Variants in GLIS1 observed in about 807,000 individuals in gnomAD.
The protein encoded by GLIS1 is zinc finger protein GLIS1.
In GLIS1, 24 loss-of-function variants were observed where a neutral mutation model predicts 63.8. The observed-to-expected ratio is 0.38, with a 90% confidence interval of 0.27 to 0.53. The LOEUF (loss-of-function observed/expected upper bound fraction) is 0.53. Ranked by LOEUF, GLIS1 falls within the 20% of genes least tolerant of loss-of-function variation. GLIS1 has a pLI of 0.85. For synonymous variants in GLIS1, 450 were observed against 482.5 expected (o/e 0.93, Z 0.88); for missense variants, 1,036 against 1,074.1 (o/e 0.96, Z 0.50).
At chr1:53,725,766 T>G (rs1200267258) in intron 2 of GLIS1, among the ~76,000 whole-genome samples, 5 of 152,208 alleles carry the variant, frequency 3.3e-5, no homozygotes, top group African/African-American at 1.2e-4. Flanking sequence ...TAATTCTACA[T>G]ACTTCATCCC....
chr1:53,609,850 A>C (rs922655397), intron 2 of GLIS1, among the ~76,000 whole-genome samples: 2 of 152,224 alleles, frequency 1.3e-5, no homozygotes, highest in Non-Finnish European at 2.9e-5. Flanking sequence ...GATCACACCT[A>C]GGCTATCTGG....
chr1:53,599,234 G>C (rs1645290690), intron 3 of GLIS1, among the ~76,000 whole-genome samples: 1 of 152,356 alleles, frequency 6.6e-6, no homozygotes, highest in Admixed American at 6.5e-5. Context: ...AAATGTGGCA[G>C]TGTTGAGAGG....
chr1:53,639,916 T>C lies in GLIS1; in HGVS notation c.260-39638A>G, dbSNP rs1273596990. Among the ~76,000 whole-genome samples, 1 of 152,192 alleles carries C rather than the reference T, an allele frequency of 6.6e-6. No homozygotes were observed. The highest frequency in any genetic ancestry group is 2.4e-5 in the African/African-American group (1 of 41,438). ...TAGTCCTGGGTTCAAATCCCAAGTC[T>C]GATACGTCACTGAGCCTCAGTTTAT... is the stretch of plus-strand genomic sequence containing the variant. On this transcript the variant is annotated intron_variant, in intron 2 of 10. Coordinates refer to ENST00000628545, the MANE Select transcript of GLIS1 (RefSeq NM_001367484.1). This position sits in a 1 kb window ranked among gnomAD's most constrained non-coding sequence, Gnocchi z 4.6.
intron 2 of GLIS1, among the ~76,000 whole-genome samples, chr1:53,719,556 C>G (rs1377588550): frequency 6.6e-6 from 1 of 152,182 alleles, no homozygotes; most frequent in Non-Finnish European, 1.5e-5. Flanking sequence ...TAGGACTCAG[C>G]CAGACCCACA....
intron 2 of GLIS1, among the ~76,000 whole-genome samples, chr1:53,681,204 G>A (rs537481912): frequency 6.6e-5 from 10 of 152,388 alleles, no homozygotes; most frequent in East Asian, 5.8e-4. Context: ...TCGTGGCTGC[G>A]TGAAGACGCA....
In GLIS1 at chr1:53,719,845, GT is replaced by G. The variant is rs1238833826; in HGVS notation, c.259+17960del. Reference sequence around the variant, plus strand: ...CCTATGATCCAGCAATCCCACTGCTGTGCATACATCTAAAAGAAAGGAAATC... The same window carrying G: ...CCTATGATCCAGCAATCCCACTGCTGGCATACATCTAAAAGAAAGGAAATC... On this transcript the variant is annotated intron_variant, in intron 2 of 10. Coordinates refer to ENST00000628545, the MANE Select transcript of GLIS1 (RefSeq NM_001367484.1). 3.9e-5 allele frequency among the ~76,000 whole-genome samples: 6 copies of G among 152,292 alleles called. No individual in the cohort carries two copies. In the East Asian group the frequency reaches 1.2e-3, roughly 29 times the overall value.
At chr1:53,704,534 C>A (rs1319080875) in intron 2 of GLIS1, among the ~76,000 whole-genome samples, 1 of 151,532 alleles carries the variant, frequency 6.6e-6, no homozygotes, top group Admixed American at 6.6e-5. Flanking sequence ...AGCAGATGAA[C>A]AGTGGTGAGG....
At chr1:53,568,054 C>G in intron 4 of GLIS1, among the ~76,000 whole-genome samples, 1 of 152,218 alleles carries the variant, frequency 6.6e-6, no homozygotes, top group East Asian at 1.9e-4. Context: ...ACAGCTTGCA[C>G]CATGTGCCTG....
chr1:53,610,851 G>A (rs998024139), intron 2 of GLIS1, among the ~76,000 whole-genome samples: 1 of 151,952 alleles, frequency 6.6e-6, no homozygotes, highest in African/African-American at 2.4e-5. Flanking sequence ...TGCTATTTTT[G>A]AATTTTCCAT....
chr1:53,546,605 G>A (rs932387548), intron 4 of GLIS1, among the ~76,000 whole-genome samples: 10 of 151,976 alleles, frequency 6.6e-5, no homozygotes, highest in African/African-American at 2.2e-4. Flanking sequence ...GGCAGGGCTC[G>A]TCAATCTGGC....
rs1363430942 is a variant in GLIS1 at position 53,520,764 on chromosome 1, C to T, written c.1596G>A (p.Leu532=). 1.1e-5 allele frequency: 18 copies of T among 1,602,954 alleles called. No individual in the cohort carries two copies. Among genetic ancestry groups the T allele is most frequent in the Non-Finnish European group, 1.4e-5 (16 of 1,174,432 alleles). ...CGGCCTCGGTGTCAGGGCCCGCATG[C>T]AGCTGGGGAGCAAGCAGAGGGAAAG... is the stretch of plus-strand genomic sequence containing the variant. ...SAKEQQVRKK[L]HAGPDTEADV... The change falls in exon 7 of 11, where the codon CTG becomes CTA. Residue 532 remains leucine (L), a splice_region_variant and synonymous_variant. Coordinates refer to ENST00000628545, the MANE Select transcript of GLIS1 (RefSeq NM_001367484.1).
At chr1:53,550,111 C>T (rs1295604987) in intron 4 of GLIS1, among the ~76,000 whole-genome samples, 1 of 152,212 alleles carries the variant, frequency 6.6e-6, no homozygotes, top group Non-Finnish European at 1.5e-5. Flanking sequence ...TTTGCCAGCC[C>T]TGTATTCAAT....
intron 4 of GLIS1, among the ~76,000 whole-genome samples, chr1:53,548,654 A>G (rs1644729100): frequency 6.6e-6 from 1 of 152,208 alleles, no homozygotes; most frequent in African/African-American, 2.4e-5. Context: ...TGCCCTGGGA[A>G]GGCAAACCTA....
At chr1:53,588,319 G>A (rs1271190908) in intron 4 of GLIS1, among the ~76,000 whole-genome samples, 1 of 152,158 alleles carries the variant, frequency 6.6e-6, no homozygotes, top group Admixed American at 6.5e-5. Flanking sequence ...CTCCTAGCAC[G>A]AGGCCTGGCA....
chr1:53,558,217 G>T (rs1294063625), intron 4 of GLIS1, among the ~76,000 whole-genome samples: 1 of 152,200 alleles, frequency 6.6e-6, no homozygotes, highest in African/African-American at 2.4e-5. Context: ...GGACACAAAG[G>T]GCCCGATGCA....
intron 2 of GLIS1, among the ~76,000 whole-genome samples, chr1:53,673,260 T>C (rs772790212): frequency 6.6e-6 from 1 of 152,190 alleles, no homozygotes; most frequent in Non-Finnish European, 1.5e-5. Context: ...GATTTAGAGA[T>C]AGCAGTGATA....
intron 2 of GLIS1, among the ~76,000 whole-genome samples, chr1:53,711,984 G>A (rs922201905): frequency 1.3e-5 from 2 of 152,206 alleles, no homozygotes; most frequent in Non-Finnish European, 2.9e-5. Flanking sequence ...GAAGGAGCAG[G>A]CAATGCCCCA....
At chr1:53,696,948 C>A (rs150028331) in intron 2 of GLIS1, among the ~76,000 whole-genome samples, 2 of 152,234 alleles carry the variant, frequency 1.3e-5, no homozygotes, top group Non-Finnish European at 2.9e-5. Context: ...ATACCTTCCA[C>A]GTGGCATCCC....
chr1:53,702,033 C>T (rs1646529449), intron 2 of GLIS1, among the ~76,000 whole-genome samples: 1 of 150,674 alleles, frequency 6.6e-6, no homozygotes, highest in Non-Finnish European at 1.5e-5. Flanking sequence ...GAAAGTCCAG[C>T]TTCCTCCACA....
Sources: gnomAD v4.1 joint callset for allele counts (sites outside exome capture counted in the v4.1 genomes callset) on GRCh38, gnomAD v4.1.1 for gene constraint, Gnocchi (gnomAD v3.1) non-coding constraint, MANE v1.5 for transcripts, NCBI Gene and HGNC (gene_info 2026-07-23, HGNC 2026-07-21) for gene names.